The following PDE4D variants were observed in gnomAD, a reference collection of about 807,000 sequenced individuals.
PDE4D encodes 3',5'-cyclic-AMP phosphodiesterase 4D.
In PDE4D, 24 loss-of-function variants were observed where a neutral mutation model predicts 87.4. The observed-to-expected ratio is 0.27, with a 90% CI of 0.20 to 0.39. The LOEUF is 0.39. PDE4D is among the 10% of genes least tolerant of loss of function. PDE4D has a pLI of 1.00. For synonymous variants in PDE4D, 384 were observed against 383.2 expected (o/e 1.00, Z -0.02); for missense variants, 714 against 1,041.0 (o/e 0.69, Z 4.32).
chr5:60,512,622 T>A (rs1354284379), intron 1 of PDE4D, among the ~76,000 whole-genome samples: 1 of 152,134 alleles, frequency 6.6e-6, no homozygotes, highest in African/African-American at 2.4e-5. Flanking sequence ...CAATGAAACA[T>A]CTTCAAATGC....
chr5:60,333,284 A>G (rs141124323), intron 1 of PDE4D, among the ~76,000 whole-genome samples: 1 of 152,342 alleles, frequency 6.6e-6, no homozygotes, highest in East Asian at 1.9e-4. Flanking sequence ...AAAGATGAAT[A>G]AGTGCACCTG....
intron 1 of PDE4D, among the ~76,000 whole-genome samples, chr5:59,886,967 A>T (rs1158433669): frequency 6.6e-6 from 1 of 151,946 alleles, no homozygotes; most frequent in Non-Finnish European, 1.5e-5. Flanking sequence ...TTGGAGCTAG[A>T]GATCACTTAG....
intron 1 of PDE4D, among the ~76,000 whole-genome samples, chr5:60,256,430 C>T (rs1279519068): frequency 1.3e-5 from 2 of 151,772 alleles, no homozygotes; most frequent in East Asian, 1.9e-4. Context: ...TTTTATAAAT[C>T]CTTAATTTGT....
intron 2 of PDE4D, among the ~76,000 whole-genome samples, chr5:60,164,753 G>T (rs1782743050): frequency 6.6e-6 from 1 of 152,062 alleles, no homozygotes; most frequent in Non-Finnish European, 1.5e-5. Flanking sequence ...AGCTGGTTTT[G>T]TTTTGTTTCT....
intron 1 of PDE4D, among the ~76,000 whole-genome samples, chr5:59,800,587 G>A (rs986657712): frequency 1.3e-5 from 2 of 152,096 alleles, no homozygotes; most frequent in African/African-American, 4.8e-5. Flanking sequence ...CAATCAGTAT[G>A]AGGACTTTGC....
intron 1 of PDE4D, among the ~76,000 whole-genome samples, chr5:59,883,089 C>T (rs566295490): frequency 3.9e-5 from 6 of 152,134 alleles, no homozygotes; most frequent in Admixed American, 1.3e-4. Context: ...TCTCTTATTC[C>T]TTTGGTTCCA....
chr5:59,524,867 C>T (rs1000461152), intron 1 of PDE4D, among the ~76,000 whole-genome samples: 2 of 152,208 alleles, frequency 1.3e-5, no homozygotes, highest in African/African-American at 2.4e-5. Context: ...GCAGCTTACA[C>T]GTGGTGTTGG....
intron 5 of PDE4D, among the ~76,000 whole-genome samples, chr5:59,093,319 G>A (rs918624661): frequency 2.0e-5 from 3 of 152,146 alleles, no homozygotes; most frequent in Non-Finnish European, 4.4e-5. Flanking sequence ...TACTGGAAGC[G>A]GAGTCTTTCT....
At chr5:59,201,616 G>A (rs1051848728) in intron 2 of PDE4D, among the ~76,000 whole-genome samples, 25 of 152,088 alleles carry the variant, frequency 1.6e-4, no homozygotes, top group African/African-American at 5.8e-4. Flanking sequence ...TTGAGGATAT[G>A]GATCCTCTGT....
intron 1 of PDE4D, among the ~76,000 whole-genome samples, chr5:59,606,667 G>C (rs1282549608): frequency 6.6e-6 from 1 of 152,130 alleles, no homozygotes; most frequent in Non-Finnish European, 1.5e-5. Flanking sequence ...GGAAAGAGTA[G>C]ATGGAGTAAT....
chr5:59,173,906 C>A (rs1238539866), intron 5 of PDE4D, among the ~76,000 whole-genome samples: 11 of 152,166 alleles, frequency 7.2e-5, no homozygotes, highest in Non-Finnish European at 1.6e-4. Flanking sequence ...TTGCTCCCAT[C>A]TATTAGATCT....
rs188095438 is a variant in PDE4D, at chr5:59,819,609, A to C, written c.455+73559T>G. Among the ~76,000 whole-genome samples, 17 of 152,264 alleles carry C rather than the reference A, an allele frequency of 1.1e-4. No homozygotes were observed. In the South Asian group the frequency reaches 1.5e-3, roughly 13 times the overall value. ...CCCATCATTTTATTTTGCTTTTTGG[A>C]GGAAAACTTGATATTTGGCACTAGG... is the stretch of plus-strand genomic sequence containing the variant. On this transcript the variant is annotated intron_variant, in intron 1 of 14. Coordinates refer to ENST00000340635, the MANE Select transcript of PDE4D (RefSeq NM_001104631.2).
chr5:59,031,376 TA>T lies in PDE4D; in HGVS notation c.921+7482del, dbSNP rs1247706754. ...AAAGAAAATGTGATATATATATATA[TA>T]TATATATATATATATTATATATATA... On this transcript the variant is annotated intron_variant, in intron 6 of 14. Coordinates refer to ENST00000340635, the MANE Select transcript of PDE4D (RefSeq NM_001104631.2). Among the ~76,000 whole-genome samples, 18 of 66,926 alleles carry T rather than the reference TA, an allele frequency of 2.7e-4. No homozygotes were observed. The Admixed American group carries it at 2.8e-3, about 10-fold the overall frequency. 43.9% of individuals were successfully genotyped at this position (66,926 alleles called of 152,430 possible). A position where few individuals can be genotyped will look rare whatever the true frequency, so the allele number is the denominator to read the frequency against.
intron 1 of PDE4D, among the ~76,000 whole-genome samples, chr5:59,791,818 G>A (rs1458129889): frequency 6.6e-6 from 1 of 152,144 alleles, no homozygotes; most frequent in Non-Finnish European, 1.5e-5. Flanking sequence ...CTCTCTGAGT[G>A]ACCTTAGGCA....
At chr5:59,209,055 C>A (rs1304553142) in intron 2 of PDE4D, among the ~76,000 whole-genome samples, 1 of 152,106 alleles carries the variant, frequency 6.6e-6, no homozygotes, top group Admixed American at 6.6e-5. Flanking sequence ...GGGATCCTAA[C>A]AGAATTAAGA....
chr5:59,636,142 A>G (rs298036), intron 1 of PDE4D, among the ~76,000 whole-genome samples: 119,509 of 152,024 alleles, frequency 0.79, 47,044 homozygotes, highest in South Asian at 0.91. Context: ...TTGCAACAAA[A>G]AGAAGAAAAT....
chr5:59,565,146 G>T (rs573753266), intron 1 of PDE4D, among the ~76,000 whole-genome samples: 18 of 152,234 alleles, frequency 1.2e-4, no homozygotes, highest in Admixed American at 3.9e-4. Flanking sequence ...GATGGGCTCC[G>T]CTTGGCTCTT....
chr5:60,309,148 T>A (rs16877890), intron 1 of PDE4D, among the ~76,000 whole-genome samples: 9,160 of 152,112 alleles, frequency 0.06, 917 homozygotes, highest in African/African-American at 0.21. Flanking sequence ...AGAAAAAGTC[T>A]CTAATACTCA....
At chr5:59,262,522 C>T (rs377345837) in intron 1 of PDE4D, among the ~76,000 whole-genome samples, 21 of 151,778 alleles carry the variant, frequency 1.4e-4, no homozygotes, top group African/African-American at 4.3e-4. Flanking sequence ...GCTTCACAAT[C>T]GGAAAAGTTC....
Sources: gnomAD v4.1 joint callset for allele counts (sites outside exome capture counted in the v4.1 genomes callset) on GRCh38, gnomAD v4.1.1 for gene constraint, MANE v1.5 for transcripts, NCBI Gene and HGNC (gene_info 2026-07-23, HGNC 2026-07-21) for gene names.